The following XKR4 variants were observed in gnomAD, a reference collection of about 807,000 sequenced individuals.
XKR4 encodes XK related 4, also known as XK-related protein 4.
In XKR4, 12 loss-of-function variants were observed where a neutral mutation model predicts 53.9. The observed-to-expected ratio is 0.22, with a 90% CI of 0.14 to 0.36. The LOEUF (loss-of-function observed/expected upper bound fraction) is 0.36. Among genes scored for constraint, XKR4 ranks in the 10% least tolerant of loss-of-function variants. The pLI is 1.00. For synonymous variants in XKR4, 354 were observed against 362.4 expected (o/e 0.98, Z 0.26); for missense variants, 799 against 859.5 (o/e 0.93, Z 0.88).
chr8:55,519,416 T>C (rs1210950163), intron 2 of XKR4, among the ~76,000 whole-genome samples: 1 of 152,232 alleles, frequency 6.6e-6, no homozygotes, highest in Non-Finnish European at 1.5e-5. Context: ...GTCACTTATA[T>C]ATTCCTGCCT....
chr8:55,469,151 C>A (rs1805832211), intron 2 of XKR4, among the ~76,000 whole-genome samples: 1 of 152,090 alleles, frequency 6.6e-6, no homozygotes, highest in South Asian at 2.1e-4. Flanking sequence ...TTCCTCCAAA[C>A]ACATTAGTTC....
intron 2 of XKR4, among the ~76,000 whole-genome samples, chr8:55,486,699 C>G (rs1177918357): frequency 6.6e-6 from 1 of 152,222 alleles, no homozygotes; most frequent in African/African-American, 2.4e-5. Context: ...TTGGGGCCTA[C>G]AAATTTTGTA....
intron 1 of XKR4, among the ~76,000 whole-genome samples, chr8:55,352,634 A>T (rs1803740021): frequency 6.6e-6 from 1 of 152,238 alleles, no homozygotes; most frequent in South Asian, 2.1e-4. Flanking sequence ...CTATCTATTA[A>T]TACCAAGCTC....
At chr8:55,479,144 T>C (rs1032315655) in intron 2 of XKR4, among the ~76,000 whole-genome samples, 2 of 152,084 alleles carry the variant, frequency 1.3e-5, no homozygotes, top group African/African-American at 4.8e-5. Flanking sequence ...GATCACATGC[T>C]TGGAAGTAAA....
intron 2 of XKR4, among the ~76,000 whole-genome samples, chr8:55,444,527 G>A (rs1488339152): frequency 6.6e-6 from 1 of 152,168 alleles, no homozygotes; most frequent in African/African-American, 2.4e-5. Context: ...CAATTAAAAA[G>A]GTGAATGATT....
At chr8:55,347,837 T>G (rs748774676) in intron 1 of XKR4, among the ~76,000 whole-genome samples, 1 of 152,238 alleles carries the variant, frequency 6.6e-6, no homozygotes, top group Non-Finnish European at 1.5e-5. Context: ...TGCTAAATTT[T>G]TAGCTGTGTA....
chr8:55,179,293 A>G (rs979950751), intron 1 of XKR4, among the ~76,000 whole-genome samples: 4 of 127,892 alleles, frequency 3.1e-5, no homozygotes, highest in Non-Finnish European at 5.9e-5. Context: ...ACAACATTCC[A>G]CCTATTCATT....
intron 2 of XKR4, among the ~76,000 whole-genome samples, chr8:55,458,672 G>A (rs770061463): frequency 1.6e-4 from 25 of 152,210 alleles, no homozygotes; most frequent in Non-Finnish European, 3.2e-4. Flanking sequence ...TTCCCCTGGC[G>A]TTCAGCCGGG....
chr8:55,416,960 A>G (rs896653116), intron 2 of XKR4, among the ~76,000 whole-genome samples: 1 of 152,208 alleles, frequency 6.6e-6, no homozygotes, highest in Non-Finnish European at 1.5e-5. Flanking sequence ...AAATAAAATA[A>G]TATTCAAACC....
At chr8:55,509,487 T>G (rs1216545054) in intron 2 of XKR4, among the ~76,000 whole-genome samples, 1 of 152,202 alleles carries the variant, frequency 6.6e-6, no homozygotes, top group African/African-American at 2.4e-5. Flanking sequence ...CAGAATTTTG[T>G]TATTTAAAAA....
chr8:55,335,894 T>A (rs1422892253), intron 1 of XKR4, among the ~76,000 whole-genome samples: 1 of 152,000 alleles, frequency 6.6e-6, no homozygotes, highest in African/African-American at 2.4e-5. Context: ...GGAAAACAGA[T>A]CTGTGGTTGT....
intron 1 of XKR4, among the ~76,000 whole-genome samples, chr8:55,227,063 C>CA (rs1389880323): frequency 6.6e-6 from 1 of 152,178 alleles, no homozygotes; most frequent in Non-Finnish European, 1.5e-5. Context: ...ACACCACCCC[C>CA]ACCCCCTTGT....
At chr8:55,305,271 ATC>A (rs1369625384) in intron 1 of XKR4, among the ~76,000 whole-genome samples, 1 of 152,186 alleles carries the variant, frequency 6.6e-6, no homozygotes, top group African/African-American at 2.4e-5. Flanking sequence ...AATACCAGAC[ATC>A]TCTGTCATTA....
At chr8:55,200,878 T>A (rs1817570161) in intron 1 of XKR4, among the ~76,000 whole-genome samples, 1 of 152,254 alleles carries the variant, frequency 6.6e-6, no homozygotes, top group African/African-American at 2.4e-5. Context: ...ACTTTATGTT[T>A]GTAGACAGTT....
At chr8:55,111,557 G>A (rs899058297) in intron 1 of XKR4, among the ~76,000 whole-genome samples, 2 of 152,116 alleles carry the variant, frequency 1.3e-5, no homozygotes, top group Admixed American at 1.3e-4. Context: ...TTTACATAAT[G>A]CAATTAACCT....
At chr8:55,407,021 G>A (rs879532827) in intron 2 of XKR4, among the ~76,000 whole-genome samples, 6 of 152,186 alleles carry the variant, frequency 3.9e-5, no homozygotes, top group Non-Finnish European at 8.8e-5. Flanking sequence ...AAATCCTGGA[G>A]CCAGGAAACC....
At chr8:55,174,320 A>G (rs985959890) in intron 1 of XKR4, among the ~76,000 whole-genome samples, 1 of 152,184 alleles carries the variant, frequency 6.6e-6, no homozygotes, top group Non-Finnish European at 1.5e-5. Flanking sequence ...TATTTAGAGT[A>G]AAAGCAGTTG....
intron 1 of XKR4, among the ~76,000 whole-genome samples, chr8:55,170,720 G>T (rs941280308): frequency 2.0e-5 from 3 of 152,140 alleles, no homozygotes; most frequent in African/African-American, 7.2e-5. Flanking sequence ...CAGGCATAAC[G>T]ACTGTCATGA....
intron 1 of XKR4, among the ~76,000 whole-genome samples, chr8:55,163,522 A>T (rs1199474914): frequency 1.3e-5 from 2 of 152,212 alleles, no homozygotes; most frequent in African/African-American, 2.4e-5. Context: ...TCAGATAAAC[A>T]TGTTACATAA....
Sources: gnomAD v4.1 joint callset for allele counts (sites outside exome capture counted in the v4.1 genomes callset) on GRCh38, gnomAD v4.1.1 for gene constraint, MANE v1.5 for transcripts, NCBI Gene and HGNC (gene_info 2026-07-23, HGNC 2026-07-21) for gene names.